The following CSMD3 variants were observed in gnomAD, a reference collection of about 807,000 sequenced individuals.
CSMD3 encodes the protein CUB and Sushi multiple domains 3.
A neutral mutation model predicts 435.2 loss-of-function variants in CSMD3; 177 were observed. That is an observed-to-expected ratio of 0.41 (90% CI 0.36 to 0.46). The LOEUF is 0.46. CSMD3 is among the 20% of genes least tolerant of loss of function. CSMD3 has a pLI of 0.34. For missense variants in CSMD3, 4,265 were observed against 4,504.6 expected (o/e 0.95, Z 1.52); for synonymous variants, 1,656 against 1,520.5 (o/e 1.09, Z -2.07).
At chr8:112,618,682 C>T (rs201839356) in intron 22 of CSMD3, among the ~76,000 whole-genome samples, 1 of 131,590 alleles carries the variant, frequency 7.6e-6, no homozygotes. Flanking sequence ...TAAGGACCAA[C>T]CATAAAGAAA....
chr8:112,342,246 C>A (rs1825195144), intron 41 of CSMD3, among the ~76,000 whole-genome samples: 1 of 151,908 alleles, frequency 6.6e-6, no homozygotes, highest in Non-Finnish European at 1.5e-5. Context: ...ATATAATAAC[C>A]TTAATAAAAT....
At chr8:112,908,068 G>C (rs1040767745) in intron 10 of CSMD3, among the ~76,000 whole-genome samples, 23 of 151,492 alleles carry the variant, frequency 1.5e-4, no homozygotes, top group African/African-American at 5.3e-4. Flanking sequence ...TGTAGTTAAA[G>C]TAATACAGCA....
intron 49 of CSMD3, among the ~76,000 whole-genome samples, chr8:112,312,341 A>G (rs2130821665): frequency 6.6e-6 from 1 of 151,900 alleles, no homozygotes; most frequent in East Asian, 1.9e-4. Flanking sequence ...TGCAACGCCC[A>G]CCTCCCGGGT....
At chr8:112,362,738 T>C (rs1014551500) in intron 38 of CSMD3, among the ~76,000 whole-genome samples, 7 of 151,986 alleles carry the variant, frequency 4.6e-5, no homozygotes, top group Non-Finnish European at 1.0e-4. Flanking sequence ...AGGTCATCCT[T>C]TGTTTAATTA....
chr8:112,237,469 G>T, intron 66 of CSMD3, 121 bp from the exon 67 acceptor site: 1 of 744,276 alleles, frequency 1.3e-6, no homozygotes, highest in South Asian at 1.6e-5. Flanking sequence ...TGTTGAATGT[G>T]TGTTACAAAA....
At chr8:112,993,243 C>T (rs1197840576) in intron 6 of CSMD3, among the ~76,000 whole-genome samples, 1 of 151,794 alleles carries the variant, frequency 6.6e-6, no homozygotes, top group African/African-American at 2.4e-5. Context: ...GAAACAGATG[C>T]TGTGAGCAGC....
At chr8:112,739,981 T>C (rs896440442) in intron 13 of CSMD3, among the ~76,000 whole-genome samples, 5 of 151,934 alleles carry the variant, frequency 3.3e-5, no homozygotes, top group Middle Eastern at 6.8e-3. Flanking sequence ...TTAGAGGAAA[T>C]GCAATCCAAA....
chr8:112,734,043 C>A (rs1035352772), intron 13 of CSMD3, among the ~76,000 whole-genome samples: 1 of 151,724 alleles, frequency 6.6e-6, no homozygotes, highest in African/African-American at 2.4e-5. Context: ...ATTACCAAAT[C>A]CCTGGAAGGA....
intron 4 of CSMD3, among the ~76,000 whole-genome samples, chr8:113,155,958 G>A (rs2091920521): frequency 6.6e-6 from 1 of 152,002 alleles, no homozygotes; most frequent in Non-Finnish European, 1.5e-5. Flanking sequence ...GATTCTGAAA[G>A]TTTCTTTGTT....
chr8:112,847,885 T>C (rs1338896644), intron 11 of CSMD3, among the ~76,000 whole-genome samples: 3 of 152,132 alleles, frequency 2.0e-5, no homozygotes, highest in East Asian at 1.9e-4. Context: ...TTGTATTTAA[T>C]GGATCTAAAG....
At chr8:112,241,266 T>C (rs1331512299) in intron 66 of CSMD3, among the ~76,000 whole-genome samples, 2 of 152,094 alleles carry the variant, frequency 1.3e-5, no homozygotes, top group African/African-American at 4.8e-5. Context: ...GTTTATGTTT[T>C]TATTGATTGT....
intron 7 of CSMD3, among the ~76,000 whole-genome samples, chr8:112,972,410 T>C (rs1273699939): frequency 6.6e-6 from 1 of 151,924 alleles, no homozygotes; most frequent in East Asian, 1.9e-4. Context: ...TTTTTGACTT[T>C]ATAGTTTGCT....
intron 3 of CSMD3, among the ~76,000 whole-genome samples, chr8:113,189,257 A>C: frequency 6.6e-6 from 1 of 151,852 alleles, no homozygotes; most frequent in East Asian, 1.9e-4. Flanking sequence ...CACCAAAGCT[A>C]TAAAAACCTA....
At chr8:112,588,386 A>G (rs1302894446) in intron 22 of CSMD3, among the ~76,000 whole-genome samples, 1 of 151,892 alleles carries the variant, frequency 6.6e-6, no homozygotes, top group African/African-American at 2.4e-5. Flanking sequence ...ACATTGTGTG[A>G]AATAATAATA....
intron 1 of CSMD3, among the ~76,000 whole-genome samples, chr8:113,397,227 C>T (rs2094487705): frequency 1.3e-5 from 2 of 152,058 alleles, no homozygotes; most frequent in African/African-American, 4.8e-5. Flanking sequence ...TAAAAGGTAT[C>T]TCCATCTTTA....
chr8:112,915,674 A>G (rs529038090), intron 10 of CSMD3, among the ~76,000 whole-genome samples: 1 of 151,884 alleles, frequency 6.6e-6, no homozygotes, highest in Non-Finnish European at 1.5e-5. Context: ...TAAATAAAGC[A>G]TAAGAGATCT....
intron 22 of CSMD3, among the ~76,000 whole-genome samples, chr8:112,613,440 T>C (rs1366494493): frequency 2.6e-5 from 4 of 152,176 alleles, no homozygotes; most frequent in Non-Finnish European, 5.9e-5. Flanking sequence ...CCTTAAAATA[T>C]TAATTCTTAC....
chr8:112,407,678 C>T (rs1014785115), intron 34 of CSMD3, among the ~76,000 whole-genome samples: 6 of 152,120 alleles, frequency 3.9e-5, no homozygotes, highest in Middle Eastern at 3.4e-3. Flanking sequence ...AATGTTTATA[C>T]ATTTCTTAGT....
intron 10 of CSMD3, among the ~76,000 whole-genome samples, chr8:112,892,314 T>A (rs562319202): frequency 1.5e-4 from 22 of 151,668 alleles, no homozygotes; most frequent in Non-Finnish European, 2.8e-4. Flanking sequence ...AATAACTCTA[T>A]AGAAAGATGA....
Sources: allele counts gnomAD v4.1 joint callset (sites outside exome capture counted in the v4.1 genomes callset), GRCh38; gene constraint gnomAD v4.1.1; transcripts MANE v1.5; gene names NCBI Gene and HGNC (gene_info 2026-07-23, HGNC 2026-07-21).